Variants in FRMPD4 observed in about 807,000 individuals in gnomAD.
FRMPD4 encodes the protein FERM and PDZ domain-containing protein 4.
Under a neutral mutation model 94.1 loss-of-function variants are expected in FRMPD4, and 22 were observed. The ratio of observed to expected loss-of-function variants is 0.23; its 90% CI spans 0.17 to 0.33. The LOEUF is 0.33. Ranked by LOEUF, FRMPD4 falls within the 10% of genes least tolerant of loss-of-function variation. FRMPD4 has a pLI of 1.00. For synonymous variants in FRMPD4, 631 were observed against 548.6 expected (o/e 1.15, Z -2.10); for missense variants, 1,111 against 1,339.9 (o/e 0.83, Z 2.67).
chrX:11,977,344 A>AT (rs2147385479), intron 3 of FRMPD4, among the ~76,000 whole-genome samples: 1 of 112,458 alleles, frequency 8.9e-6, no homozygotes, highest in Admixed American at 9.4e-5. Context: ...ATCTGATGCC[A>AT]TTGGGACTTT....
At chrX:12,258,684 A>G (rs1440040003) in intron 1 of FRMPD4, among the ~76,000 whole-genome samples, 2 of 111,121 alleles carry the variant, frequency 1.8e-5, no homozygotes, top group Non-Finnish European at 3.8e-5. Flanking sequence ...ATTACTTTTT[A>G]TCGATATGTA....
intron 3 of FRMPD4, among the ~76,000 whole-genome samples, chrX:11,963,462 C>T (rs1379166116): frequency 8.9e-6 from 1 of 112,457 alleles, no homozygotes. Flanking sequence ...AAATAATCTA[C>T]AGATAAGGAA....
chrX:12,227,670 A>C (rs983914169), intron 1 of FRMPD4, among the ~76,000 whole-genome samples: 1 of 111,221 alleles, frequency 9.0e-6, no homozygotes, highest in African/African-American at 3.3e-5. Flanking sequence ...GTGTGATGGC[A>C]TGTGCCTGTG....
chrX:12,638,821 C>T (rs1242738797), intron 4 of FRMPD4, among the ~76,000 whole-genome samples: 1 of 111,294 alleles, frequency 9.0e-6, no homozygotes, highest in Non-Finnish European at 1.9e-5. Flanking sequence ...ACAGCCAGTA[C>T]GAGTGCTACC....
At chrX:12,627,856 C>A (rs186164543) in intron 4 of FRMPD4, among the ~76,000 whole-genome samples, 7 of 112,092 alleles carry the variant, frequency 6.2e-5, no homozygotes, top group African/African-American at 1.9e-4. Flanking sequence ...TAACATCTTA[C>A]TTTATTAAGA....
intron 1 of FRMPD4, among the ~76,000 whole-genome samples, chrX:12,408,070 C>T (rs947449335): frequency 5.6e-5 from 6 of 108,029 alleles, no homozygotes; most frequent in Non-Finnish European, 7.7e-5. Context: ...CACTCACAAA[C>T]GGAAGCCATG....
chrX:12,384,347 C>G (rs972715220), intron 1 of FRMPD4, among the ~76,000 whole-genome samples: 1 of 111,015 alleles, frequency 9.0e-6, no homozygotes, highest in African/African-American at 3.3e-5. Flanking sequence ...GAAACCGTAT[C>G]TCACCAAAAA....
At chrX:11,987,097 T>TCAA (rs1569137639) in intron 3 of FRMPD4, among the ~76,000 whole-genome samples, 2 of 14,642 alleles carry the variant, frequency 1.4e-4, no homozygotes, top group African/African-American at 9.5e-4. Context: ...CAAAGACACA[T>TCAA]TAAAAAAAAA....
In FRMPD4 at chrX:12,621,958, A is replaced by AAGAAAGAAAG. The variant is rs1354119906; in HGVS notation, c.422+7089_422+7098dup. On this transcript the variant is annotated intron_variant, in intron 4 of 16. Transcript: ENST00000675598. The stretch of plus-strand genomic sequence containing the variant: ...AAAGAAAGAAAGAGAGAGAGAGAGA[A>AAGAAAGAAAG]AGAAAGAAAGAGAAAGAAAGAAAGA... Among the ~76,000 whole-genome samples, 3 of 89,236 alleles carry AAGAAAGAAAG rather than the reference A, an allele frequency of 3.4e-5. 1 individual carries two copies. Among genetic ancestry groups the AAGAAAGAAAG allele is most frequent in the African/African-American group, 1.3e-4 (3 of 22,269 alleles). 77.5% of individuals were successfully genotyped at this position (89,236 alleles called of 115,157 possible).
At chrX:12,487,953 G>A (rs1051605388) in intron 1 of FRMPD4, among the ~76,000 whole-genome samples, 12 of 111,865 alleles carry the variant, frequency 1.1e-4, no homozygotes, top group African/African-American at 3.9e-4. Context: ...AAGTACACTA[G>A]GTTTATGTGT....
At chrX:12,423,661 T>G (rs866353763) in intron 1 of FRMPD4, among the ~76,000 whole-genome samples, 4,955 of 112,606 alleles carry the variant, frequency 0.044, 107 homozygotes, top group African/African-American at 0.065. Flanking sequence ...GTTATTGTAC[T>G]TTTGAAAGAT....
At chrX:12,202,264 G>A (rs17328072) in intron 1 of FRMPD4, among the ~76,000 whole-genome samples, 23,388 of 110,949 alleles carry the variant, frequency 0.21, 1,795 homozygotes, top group South Asian at 0.29. Flanking sequence ...TAATTTAACA[G>A]CAGTCTCTTG....
intron 1 of FRMPD4, among the ~76,000 whole-genome samples, chrX:11,860,873 T>C (rs761837819): frequency 2.3e-4 from 26 of 112,013 alleles, no homozygotes; most frequent in Non-Finnish European, 4.0e-4. Flanking sequence ...GAAGTTTGAT[T>C]AATCTTCATT....
intron 2 of FRMPD4, chrX:12,583,491 C>A (rs1469784056): frequency 7.6e-6 from 9 of 1,181,970 alleles, no homozygotes; most frequent in Non-Finnish European, 1.0e-5. Context: ...CTTTCACCCA[C>A]GGCAGAATAT....
intron 1 of FRMPD4, among the ~76,000 whole-genome samples, chrX:11,840,017 TC>T (rs1047803116): frequency 8.9e-6 from 1 of 111,777 alleles, no homozygotes; most frequent in Non-Finnish European, 1.9e-5. Context: ...GATATGTAAG[TC>T]CTCTAACTTT....
intron 3 of FRMPD4, among the ~76,000 whole-genome samples, chrX:11,987,575 A>G (rs886801775): frequency 9.0e-6 from 1 of 111,655 alleles, no homozygotes; most frequent in Non-Finnish European, 1.9e-5. Context: ...AGCTAGAACA[A>G]TAAGGCCAGG....
chrX:12,635,516 C>A (rs931795211), intron 4 of FRMPD4, among the ~76,000 whole-genome samples: 1 of 111,397 alleles, frequency 9.0e-6, no homozygotes, highest in African/African-American at 3.3e-5. Flanking sequence ...AACTGGACTT[C>A]CCAAACAGAG....
intron 1 of FRMPD4, among the ~76,000 whole-genome samples, chrX:12,434,150 T>G (rs1287688186): frequency 8.9e-6 from 1 of 112,074 alleles, no homozygotes; most frequent in Non-Finnish European, 1.9e-5. Context: ...GTTGTGTTCC[T>G]TCAATGCTTG....
chrX:12,574,089 C>T (rs921683728), intron 2 of FRMPD4, among the ~76,000 whole-genome samples: 1 of 112,204 alleles, frequency 8.9e-6, no homozygotes, highest in Non-Finnish European at 1.9e-5. Flanking sequence ...CAACTTCTGC[C>T]TCCCAGCTTC....
Sources: allele counts gnomAD v4.1 joint callset (sites outside exome capture counted in the v4.1 genomes callset), GRCh38; gene constraint gnomAD v4.1.1; transcripts MANE v1.5; gene names NCBI Gene and HGNC (gene_info 2026-07-23, HGNC 2026-07-21).